The following RIMS2 variants were observed in gnomAD, a reference collection of about 807,000 sequenced individuals.
RIMS2 encodes the protein regulating synaptic membrane exocytosis protein 2.
A neutral mutation model predicts 174.4 loss-of-function variants in RIMS2; 59 were observed. The ratio of observed to expected loss-of-function variants is 0.34; its 90% CI spans 0.27 to 0.42. The LOEUF is 0.42. RIMS2 is among the 10% of genes least tolerant of loss of function. The pLI, the probability that RIMS2 is intolerant of heterozygous loss-of-function variation, is 1.00. For missense variants in RIMS2, 1,620 were observed against 1,666.3 expected (o/e 0.97, Z 0.48); for synonymous variants, 606 against 572.5 (o/e 1.06, Z -0.84).
intron 1 of RIMS2, among the ~76,000 whole-genome samples, chr8:103,616,484 A>G (rs2095507684): frequency 6.6e-6 from 1 of 152,160 alleles, no homozygotes; most frequent in Non-Finnish European, 1.5e-5. Context: ...CTCTCTCACC[A>G]CTTCTATTCA....
chr8:104,233,936 G>A (rs943765924), intron 19 of RIMS2, among the ~76,000 whole-genome samples: 3 of 152,162 alleles, frequency 2.0e-5, no homozygotes, highest in Non-Finnish European at 4.4e-5. Flanking sequence ...TGAAAAAAAG[G>A]ATTTGGGTGG....
intron 1 of RIMS2, among the ~76,000 whole-genome samples, chr8:103,554,995 A>G (rs1446355993): frequency 6.6e-6 from 1 of 152,188 alleles, no homozygotes; most frequent in Non-Finnish European, 1.5e-5. Context: ...ACACATGGAC[A>G]CAATGAAGGG....
chr8:104,188,607 G>C (rs906578342), intron 19 of RIMS2, among the ~76,000 whole-genome samples: 10 of 151,732 alleles, frequency 6.6e-5, no homozygotes, highest in African/African-American at 2.4e-4. Context: ...ATTGTGCAGA[G>C]ATGTAGTATC....
intron 19 of RIMS2, among the ~76,000 whole-genome samples, chr8:104,161,502 A>G (rs1377105012): frequency 6.6e-6 from 1 of 152,192 alleles, no homozygotes; most frequent in Non-Finnish European, 1.5e-5. Context: ...TAGAATTTCA[A>G]GCAGAGTCAT....
chr8:104,167,859 G>A (rs1270185858), intron 19 of RIMS2, among the ~76,000 whole-genome samples: 2 of 151,926 alleles, frequency 1.3e-5, no homozygotes, highest in African/African-American at 4.8e-5. Flanking sequence ...AAGGTGAGAG[G>A]ACCCAGTTTT....
intron 1 of RIMS2, among the ~76,000 whole-genome samples, chr8:103,678,753 A>G (rs1459501204): frequency 2.0e-5 from 3 of 152,170 alleles, no homozygotes; most frequent in African/African-American, 4.8e-5. Flanking sequence ...AATGCATAAA[A>G]GATAATACAT....
At chr8:104,068,912 T>C (rs1434342830) in intron 19 of RIMS2, among the ~76,000 whole-genome samples, 1 of 152,194 alleles carries the variant, frequency 6.6e-6, no homozygotes, top group East Asian at 1.9e-4. Flanking sequence ...AATGATCTTA[T>C]GGTTTTCTTT....
intron 1 of RIMS2, among the ~76,000 whole-genome samples, chr8:103,647,662 G>A (rs2096367041): frequency 6.6e-6 from 1 of 152,018 alleles, no homozygotes; most frequent in African/African-American, 2.4e-5. Flanking sequence ...GTAGGTGTAT[G>A]TGTCCAGATA....
chr8:104,252,994 ATTAACT>A (rs2099362679), downstream of RIMS2: 1 of 152,340 alleles, frequency 6.6e-6, no homozygotes, highest in Non-Finnish European at 1.5e-5. Context: ...TCAAGGGAAA[ATTAACT>A]TTAAGAGCTT....
chr8:104,138,161 G>A lies in RIMS2; in HGVS notation c.3335-106755G>A, dbSNP rs564608122. On this transcript the variant is annotated intron_variant, in intron 19 of 23. Coordinates refer to ENST00000504942, the Ensembl canonical transcript of RIMS2. The stretch of plus-strand genomic sequence containing the variant: ...ATGGCTGAATAGTACTCCATTGTAT[G>A]TATGTACCACATTTTCTTTATCCAT... Among the ~76,000 whole-genome samples, 69 of 152,118 alleles carry A rather than the reference G, an allele frequency of 4.5e-4. 1 individual carries two copies. The highest frequency in any genetic ancestry group is 8.1e-4 in the Non-Finnish European group (55 of 68,020).
At chr8:103,998,316 G>C in intron 17 of RIMS2, 1 of 1,062,496 alleles carries the variant, frequency 9.4e-7, no homozygotes, top group South Asian at 1.4e-5. Flanking sequence ...ATATGATATA[G>C]TTCACTTTTA....
intron 17 of RIMS2, among the ~76,000 whole-genome samples, chr8:103,991,185 G>A (rs1344935872): frequency 1.3e-5 from 2 of 151,380 alleles, no homozygotes; most frequent in Non-Finnish European, 3.0e-5. Flanking sequence ...TAGCAAAAAT[G>A]TTCATATAAT....
At chr8:104,121,959 CT>C (rs2098381686) in intron 19 of RIMS2, among the ~76,000 whole-genome samples, 2 of 151,894 alleles carry the variant, frequency 1.3e-5, no homozygotes, top group African/African-American at 4.8e-5. Context: ...GAGACTCCAT[CT>C]CAAAAAATAA....
At chr8:103,538,254 C>G (rs1039233307) in intron 1 of RIMS2, among the ~76,000 whole-genome samples, 2 of 152,120 alleles carry the variant, frequency 1.3e-5, no homozygotes, top group African/African-American at 4.8e-5. Flanking sequence ...TGTTAATATT[C>G]TAATAACAAT....
At chr8:104,100,567 T>C (rs2097852073) in intron 19 of RIMS2, among the ~76,000 whole-genome samples, 1 of 152,002 alleles carries the variant, frequency 6.6e-6, no homozygotes, top group Non-Finnish European at 1.5e-5. Flanking sequence ...GAATTACTTT[T>C]ACATTAGCTA....
rs116437089 is a variant in RIMS2 at position 103,994,585 on chromosome 8, A to G, written c.3044+5164A>G. Among the ~76,000 whole-genome samples, 915 of 152,258 alleles carry G rather than the reference A, an allele frequency of 6.0e-3. 8 individuals carry two copies. The highest frequency in any genetic ancestry group is 0.021 in the African/African-American group (863 of 41,556). The stretch of plus-strand genomic sequence containing the variant: ...AAGAAAAGTAAGCATGGTTCAGTGG[A>G]GAAGTGTAATATGTTTTAAGGTTGT... On this transcript the variant is annotated intron_variant, in intron 17 of 23. Coordinates refer to ENST00000504942, the Ensembl canonical transcript of RIMS2.
chr8:104,242,885 C>CT (rs1007321157), intron 19 of RIMS2, among the ~76,000 whole-genome samples: 2 of 151,460 alleles, frequency 1.3e-5, no homozygotes, highest in Non-Finnish European at 2.9e-5. Flanking sequence ...TGTTAAAGTA[C>CT]TTTTTTTTTC....
chr8:103,845,375 C>T (rs1158027549), intron 3 of RIMS2, among the ~76,000 whole-genome samples: 2 of 152,024 alleles, frequency 1.3e-5, no homozygotes, highest in South Asian at 4.1e-4. Context: ...TTACTACTAT[C>T]CCTACCTGTT....
chr8:103,585,459 AT>A (rs2093860543), intron 1 of RIMS2, among the ~76,000 whole-genome samples: 1 of 152,236 alleles, frequency 6.6e-6, no homozygotes. Flanking sequence ...ACTATTTACA[AT>A]AGCAAAGACT....
Sources: gnomAD v4.1 joint callset for allele counts (sites outside exome capture counted in the v4.1 genomes callset) on GRCh38, gnomAD v4.1.1 for gene constraint, MANE v1.5 for transcripts, NCBI Gene and HGNC (gene_info 2026-07-23, HGNC 2026-07-21) for gene names.